Variants in TBC1D24 observed in about 807,000 individuals in gnomAD.
The protein encoded by TBC1D24 is Infantile myoclonic epilepsy.
A neutral mutation model predicts 50.7 loss-of-function variants in TBC1D24; 47 were observed. The ratio of observed to expected loss-of-function variants is 0.93; its 90% CI spans 0.73 to 1.18. The LOEUF is 1.18. Among genes scored for constraint, TBC1D24 ranks in the 50% most tolerant of loss-of-function variants. The pLI, the probability that TBC1D24 is intolerant of heterozygous loss-of-function variation, is 0.00. For missense variants in TBC1D24, 688 were observed against 766.5 expected, an observed-to-expected ratio of 0.90 and a Z score of 1.21; for synonymous variants, 324 against 335.2, an observed-to-expected ratio of 0.97 and a Z score of 0.36.
At chr16:2,481,035 G>A (rs1181060341) in intron 1 of TBC1D24, 1 of 152,306 alleles carries the variant, frequency 6.6e-6, no homozygotes, top group East Asian at 1.9e-4. Context: ...TGACCACGCT[G>A]TCTCTATCCC....
In TBC1D24 at chr16:2,500,621, G is replaced by A. The variant is rs1287045019; in HGVS notation, c.1525+131G>A. The stretch of plus-strand genomic sequence containing the variant: ...GTGTCAGGGTGGACCAGGCATGATG[G>A]GTGGGAGGGGGCTGGAAGGGAGAGA... On this transcript the variant is annotated intron_variant, in intron 7 of 7. Transcript: ENST00000646147. The surrounding 1 kb of genome is among the most constrained non-coding windows in gnomAD (Gnocchi z 8.0). 1.6e-6 allele frequency: 2 copies of A among 1,279,254 alleles called. No homozygotes were observed. The highest frequency in any genetic ancestry group is 1.5e-5 in the African/African-American group (1 of 67,734). The allele number at this position is 1,279,254 out of a possible 1,614,324, so 79.2% of individuals were successfully genotyped here.
intron 4 of TBC1D24, 95 bp downstream of exon 4, chr16:2,498,491 G>C: frequency 2.5e-6 from 3 of 1,195,452 alleles, no homozygotes; most frequent in Non-Finnish European, 3.5e-6. Flanking sequence ...TCGGCACCTG[G>C]TGAGGCCCTG....
intron 1 of TBC1D24, chr16:2,478,062 G>C (rs952358874): frequency 6.6e-6 from 1 of 152,338 alleles, no homozygotes; most frequent in Non-Finnish European, 1.5e-5. Flanking sequence ...TCTTGGGTTT[G>C]TGAGTGACTT....
At chr16:2,478,705 G>T (rs577888619) in intron 1 of TBC1D24, 155 of 152,066 alleles carry the variant, frequency 1.0e-3, no homozygotes, top group Admixed American at 2.2e-3. Context: ...GTTGCCTTTT[G>T]GGGGAATGGG....
chr16:2,500,091 G>A lies in TBC1D24; in HGVS notation c.1302+161G>A, dbSNP rs1596972436. On this transcript the variant is annotated intron_variant, in intron 6 of 7. Transcript: ENST00000646147. The surrounding 1 kb of genome is among the most constrained non-coding windows in gnomAD (Gnocchi z 8.0). Reference sequence around the variant, plus strand: ...TCCGGGTTTGATCATTCAGCCGTGCGCTGCTCCGGGGCAGGGGGCTTCATC... The same window carrying A: ...TCCGGGTTTGATCATTCAGCCGTGCACTGCTCCGGGGCAGGGGGCTTCATC... Among the ~76,000 whole-genome samples, 1 of 152,096 alleles carries A rather than the reference G, an allele frequency of 6.6e-6. No homozygotes were observed. Among genetic ancestry groups the A allele is most frequent in the South Asian group, 2.1e-4 (1 of 4,826 alleles).
chr16:2,491,451 C>T (rs1488301817), intron 1 of TBC1D24, among the ~76,000 whole-genome samples: 1 of 151,668 alleles, frequency 6.6e-6, no homozygotes, highest in East Asian at 1.9e-4. Flanking sequence ...TTCAGTGGTA[C>T]AATCAGGTCC....
At position 2,499,407 on chromosome 16, in the gene TBC1D24, C is replaced by A. The variant is rs1325829765; in HGVS notation, c.1193C>A (p.Thr398Asn). Reference sequence around the variant, plus strand: ...GAGCCTACCCTCTTGCTCATCAAGACCACGCAGAAGGAGGTGAGCAGGGGC... The same window carrying A: ...GAGCCTACCCTCTTGCTCATCAAGAACACGCAGAAGGAGGTGAGCAGGGGC... ...GHEPTLLLIK[T>N]TQKEVCGAYL... is the part of the protein sequence containing the mutation. Residue 398 changes from threonine (T) to asparagine (N), a missense_variant, in exon 5 of 8, where the codon ACC (threonine) becomes AAC (asparagine). Thr to Asn is a moderately conservative substitution (Grantham distance 65, BLOSUM62 0). Transcript: ENST00000646147. The surrounding 1 kb of genome is among the most constrained non-coding windows in gnomAD (Gnocchi z 4.0). The A allele has an allele frequency of 6.2e-7, 1 of 1,613,646 alleles. No homozygotes were observed. Among genetic ancestry groups the A allele is most frequent in the South Asian group, 1.1e-5 (1 of 90,986 alleles).
Position 2,496,345 on chromosome 16 carries a change from C to T in TBC1D24, c.197C>T (p.Thr66Met), listed in dbSNP as rs371245371. ...QRLIRDIPCR[T>M]VTPDASVYSD... ...CTGATCCGGGACATTCCCTGCCGCACGGTCACGCCTGACGCCAGCGTGTAC... is the reference window on the plus strand; with the variant it reads ...CTGATCCGGGACATTCCCTGCCGCATGGTCACGCCTGACGCCAGCGTGTAC... The change falls in exon 2 of 8, where the codon ACG becomes ATG. Residue 66 changes from threonine to methionine, a missense_variant. Physicochemically the swap from Thr to Met is moderately conservative, Grantham distance 81. Transcript: ENST00000646147. The T allele has an allele frequency of 1.4e-5, 23 of 1,613,564 alleles. No individual in the cohort carries two copies. Among genetic ancestry groups the T allele is most frequent in the Admixed American group, 1.3e-4 (8 of 60,032 alleles).
At position 2,504,718 on chromosome 16, in the gene TBC1D24, C is replaced by G. The variant is rs1371977208; in HGVS notation, c.*3760C>G. ...ACAGGCGTGAGCAACCGCGCCCAGC[C>G]GAGATTGCCCCGTTTTTTTCCCACT... On this transcript the variant is annotated 3_prime_UTR_variant, in exon 8 of 8. Transcript: ENST00000646147. The G allele has an allele frequency of 6.6e-6, 1 of 151,964 alleles. No individual in the cohort carries two copies. The highest frequency in any genetic ancestry group is 1.5e-5 in the Non-Finnish European group (1 of 68,006). 9.4% of individuals were successfully genotyped at this position (151,964 alleles called of 1,614,324 possible). A position where few individuals can be genotyped will look rare whatever the true frequency, so the allele number is the denominator to read the frequency against.
chr16:2,499,744 C>A lies in TBC1D24; in HGVS notation c.1207-91C>A. The stretch of plus-strand genomic sequence containing the variant: ...GAGACGGCAATGCCTGCACCCCCAC[C>A]TGTGACCTGGGACAGGCCCGTCAGT... On this transcript the variant is annotated intron_variant, in intron 5 of 7. Coordinates refer to ENST00000646147, the MANE Select transcript of TBC1D24 (RefSeq NM_001199107.2). The surrounding 1 kb of genome is among the most constrained non-coding windows in gnomAD (Gnocchi z 4.0). 1 of 1,168,074 alleles carries A rather than the reference C, an allele frequency of 8.6e-7. No homozygotes were observed. The highest frequency in any genetic ancestry group is 1.3e-6 in the Non-Finnish European group (1 of 773,652). 72.4% of individuals were successfully genotyped at this position (1,168,074 alleles called of 1,614,324 possible).
chr16:2,488,137 C>T (rs1018357339), intron 1 of TBC1D24, among the ~76,000 whole-genome samples: 5 of 152,218 alleles, frequency 3.3e-5, no homozygotes, highest in Admixed American at 3.3e-4. Flanking sequence ...GGCCCGCCTC[C>T]CAGCCCTGGC....
chr16:2,489,315 C>G (rs2065677550), intron 1 of TBC1D24, among the ~76,000 whole-genome samples: 1 of 151,800 alleles, frequency 6.6e-6, no homozygotes, highest in Non-Finnish European at 1.5e-5. Context: ...GTCTGTAGTC[C>G]CAGCTACTCG....
chr16:2,504,465 C>CTGGA lies in TBC1D24; in HGVS notation c.*3508_*3511dup. 7.1e-6 allele frequency: 1 copy of CTGGA among 141,538 alleles called. No individual in the cohort carries two copies. Among genetic ancestry groups the CTGGA allele is most frequent in the East Asian group, 2.0e-4 (1 of 4,888 alleles). 8.8% of individuals were successfully genotyped at this position (141,538 alleles called of 1,614,324 possible). Reference sequence around the variant, plus strand: ...ACAGAGTCTCGCTCTGTCGCCCAGGCTGGAGTGCAGTGGCGCGATCTCGGC... The same window carrying CTGGA: ...ACAGAGTCTCGCTCTGTCGCCCAGGCTGGATGGAGTGCAGTGGCGCGATCTCGGC... On this transcript the variant is annotated 3_prime_UTR_variant, in exon 8 of 8. Transcript: ENST00000646147.
At chr16:2,490,850 C>T (rs188007421) in intron 1 of TBC1D24, among the ~76,000 whole-genome samples, 101 of 152,350 alleles carry the variant, frequency 6.6e-4, no homozygotes, top group Middle Eastern at 3.4e-3. Context: ...CCCCGGCCAC[C>T]GCCTCCGGCT....
In TBC1D24 at chr16:2,505,366, G is replaced by A. The variant is rs2065826914; in HGVS notation, c.*4408G>A. The A allele has an allele frequency of 6.6e-6, 1 of 152,358 alleles. No individual in the cohort carries two copies. The highest frequency in any genetic ancestry group is 1.9e-4 in the East Asian group (1 of 5,190). 9.4% of individuals were successfully genotyped at this position (152,358 alleles called of 1,614,324 possible). A position where few individuals can be genotyped will look rare whatever the true frequency, so the allele number is the denominator to read the frequency against. ...GTCAACACCTTTTCTTGGGACCAAG[G>A]AAGCAAAGTCAGTGGATACCGTGTC... is the stretch of plus-strand genomic sequence containing the variant. On this transcript the variant is annotated 3_prime_UTR_variant, in exon 8 of 8. Transcript: ENST00000646147.
At chr16:2,476,212 AC>A (rs2141849099) in intron 1 of TBC1D24, among the ~76,000 whole-genome samples, 1 of 152,222 alleles carries the variant, frequency 6.6e-6, no homozygotes, top group South Asian at 2.1e-4. Context: ...CGTTTCCTCC[AC>A]CCGAGGTCCA....
chr16:2,495,043 AAT>A (rs1347800274), intron 1 of TBC1D24, among the ~76,000 whole-genome samples: 10 of 147,880 alleles, frequency 6.8e-5, no homozygotes, highest in African/African-American at 2.7e-4. Context: ...CAAAATAAAT[AAT>A]AATAATAATA....
chr16:2,500,849 G>C lies in TBC1D24; in HGVS notation c.1571G>C (p.Arg524Pro). 1 of 1,609,948 alleles carries C rather than the reference G, an allele frequency of 6.2e-7. No individual in the cohort carries two copies. Reference sequence around the variant, plus strand: ...CTCTACATCGATGGGGACCTGAACCGGGGCCGCACAAGCCACTGCGACACC... The same window carrying C: ...CTCTACATCGATGGGGACCTGAACCCGGGCCGCACAAGCCACTGCGACACC... ...QALYIDGDLN[R>P]GRTSHCDTFN... is the part of the protein sequence containing the mutation. The change falls in exon 8 of 8, where the codon CGG becomes CCG. Residue 524 changes from arginine to proline, a missense_variant. Physicochemically the swap from Arg to Pro is moderately radical, Grantham distance 103. Transcript: ENST00000646147. This position sits in a 1 kb window ranked among gnomAD's most constrained non-coding sequence, Gnocchi z 8.0.
chr16:2,475,868 C>T lies in TBC1D24; in HGVS notation c.-116+698C>T, dbSNP rs975267219. On this transcript the variant is annotated intron_variant, in intron 1 of 7. Transcript: ENST00000646147. The surrounding 1 kb of genome is among the most constrained non-coding windows in gnomAD (Gnocchi z 4.2). ...GGAGTCCCCGCGGCCTGGCCACAGG[C>T]CTTCTTTGATGGCCGTGCCCCGCAG... 6.6e-6 allele frequency among the ~76,000 whole-genome samples: 1 copy of T among 152,226 alleles called. No homozygotes were observed. Among genetic ancestry groups the T allele is most frequent in the Non-Finnish European group, 1.5e-5 (1 of 68,036 alleles).
Sources: allele counts gnomAD v4.1 joint callset (sites outside exome capture counted in the v4.1 genomes callset), GRCh38; gene constraint gnomAD v4.1.1; non-coding constraint Gnocchi (gnomAD v3.1); transcripts MANE v1.5; gene names NCBI Gene and HGNC (gene_info 2026-07-23, HGNC 2026-07-21).